The following CSMD3 variants were observed in gnomAD, a reference collection of about 807,000 sequenced individuals.
CSMD3 encodes the protein CUB and Sushi multiple domains 3.
In CSMD3, 177 loss-of-function variants were observed where a neutral mutation model predicts 435.2. That is an observed-to-expected ratio of 0.41 (90% CI 0.36 to 0.46). The LOEUF is 0.46. CSMD3 is among the 20% of genes least tolerant of loss of function. The pLI is 0.34. For missense variants in CSMD3, 4,265 were observed against 4,504.6 expected (o/e 0.95, Z 1.52); for synonymous variants, 1,656 against 1,520.5 (o/e 1.09, Z -2.07).
chr8:112,445,401 C>G (rs577702137), intron 32 of CSMD3, among the ~76,000 whole-genome samples: 1 of 152,034 alleles, frequency 6.6e-6, no homozygotes, highest in African/African-American at 2.4e-5. Context: ...GGATACATGG[C>G]GCTGGCATCT....
chr8:112,619,197 T>C (rs1367986217), intron 22 of CSMD3, among the ~76,000 whole-genome samples: 1 of 152,102 alleles, frequency 6.6e-6, no homozygotes. Flanking sequence ...CTCCATTTTC[T>C]ACTGGGATGG....
chr8:112,558,386 G>T (rs990754599), intron 24 of CSMD3, among the ~76,000 whole-genome samples: 4 of 151,922 alleles, frequency 2.6e-5, no homozygotes, highest in African/African-American at 9.7e-5. Flanking sequence ...AAACAGGCTT[G>T]CTGGGTTTCC....
intron 41 of CSMD3, among the ~76,000 whole-genome samples, chr8:112,344,135 G>A (rs1021360908): frequency 2.6e-5 from 4 of 152,104 alleles, no homozygotes; most frequent in Non-Finnish European, 5.9e-5. Context: ...GCCCGCATCA[G>A]CCTCCCAAAG....
At chr8:112,510,902 T>C (rs1376740395) in intron 28 of CSMD3, among the ~76,000 whole-genome samples, 2 of 152,216 alleles carry the variant, frequency 1.3e-5, no homozygotes, top group Admixed American at 1.3e-4. Context: ...ATTATGTAAA[T>C]AGTGAAGATG....
intron 44 of CSMD3, among the ~76,000 whole-genome samples, chr8:112,335,811 AAC>A (rs1824505881): frequency 6.6e-6 from 1 of 151,680 alleles, no homozygotes; most frequent in Admixed American, 6.6e-5. Context: ...TTTCTTCAGC[AAC>A]AGTCTTGAGA....
At chr8:112,431,708 AC>A (rs1361072402) in intron 32 of CSMD3, among the ~76,000 whole-genome samples, 1 of 152,080 alleles carries the variant, frequency 6.6e-6, no homozygotes, top group East Asian at 1.9e-4. Context: ...CATGCTTGTC[AC>A]CCTGAATGTG....
chr8:112,607,030 G>T (rs1258353119), intron 22 of CSMD3, among the ~76,000 whole-genome samples: 2 of 92,668 alleles, frequency 2.2e-5, no homozygotes, highest in Non-Finnish European at 4.6e-5. Flanking sequence ...AAAGGACAAA[G>T]ATCAGAGCAG....
At chr8:112,561,973 A>G (rs1828667665) in intron 24 of CSMD3, among the ~76,000 whole-genome samples, 1 of 151,308 alleles carries the variant, frequency 6.6e-6, no homozygotes, top group East Asian at 1.9e-4. Context: ...AAACTAATTG[A>G]TTTTGCAGCA....
chr8:113,139,127 C>T (rs2131721714), intron 4 of CSMD3, among the ~76,000 whole-genome samples: 1 of 150,836 alleles, frequency 6.6e-6, no homozygotes, highest in African/African-American at 2.4e-5. Context: ...AGAGAAATAA[C>T]TAGACTGAAA....
intron 63 of CSMD3, among the ~76,000 whole-genome samples, chr8:112,251,370 T>C (rs984811471): frequency 6.6e-6 from 1 of 151,718 alleles, no homozygotes; most frequent in Non-Finnish European, 1.5e-5. Context: ...AAAATGAAGG[T>C]ATAACAGATG....
At chr8:112,815,911 C>T (rs1035178283) in intron 12 of CSMD3, among the ~76,000 whole-genome samples, 2 of 152,004 alleles carry the variant, frequency 1.3e-5, no homozygotes, top group African/African-American at 4.8e-5. Context: ...AGTAATTCTG[C>T]GTTCCAAGAG....
chr8:112,951,344 T>A (rs1341212832), intron 8 of CSMD3, among the ~76,000 whole-genome samples: 1 of 151,830 alleles, frequency 6.6e-6, no homozygotes, highest in East Asian at 1.9e-4. Context: ...ATTACATGAA[T>A]AGTGTAAGTA....
chr8:112,772,719 T>C (rs1425919457), intron 13 of CSMD3, among the ~76,000 whole-genome samples: 3 of 152,112 alleles, frequency 2.0e-5, no homozygotes, highest in African/African-American at 7.2e-5. Context: ...AAAGCCCGAT[T>C]GTATATTCCA....
At chr8:112,241,680 A>G in intron 66 of CSMD3, 40 bp downstream of exon 66, 3 of 1,406,122 alleles carry the variant, frequency 2.1e-6, no homozygotes, top group Non-Finnish European at 3.0e-6. Context: ...GACCATTTTT[A>G]GAAATAATGA....
intron 13 of CSMD3, among the ~76,000 whole-genome samples, chr8:112,740,965 T>C (rs1563914617): frequency 6.6e-6 from 1 of 151,972 alleles, no homozygotes; most frequent in African/African-American, 2.4e-5. Flanking sequence ...AGAAATGTTT[T>C]TCTCCTTATT....
At chr8:113,382,336 T>G (rs2094419661) in intron 1 of CSMD3, among the ~76,000 whole-genome samples, 2 of 152,150 alleles carry the variant, frequency 1.3e-5, no homozygotes, top group African/African-American at 4.8e-5. Context: ...CAGTTTTGCT[T>G]TACCAACATT....
At chr8:112,777,686 GAT>G (rs924754378) in intron 13 of CSMD3, among the ~76,000 whole-genome samples, 5 of 151,772 alleles carry the variant, frequency 3.3e-5, no homozygotes, top group Non-Finnish European at 7.4e-5. Context: ...CGCTACTAGG[GAT>G]ATATCAAGCA....
intron 6 of CSMD3, among the ~76,000 whole-genome samples, chr8:112,987,369 T>C (rs1435581883): frequency 6.6e-6 from 1 of 152,142 alleles, no homozygotes; most frequent in Non-Finnish European, 1.5e-5. Flanking sequence ...TAAGACACTA[T>C]AAACGTATTT....
intron 6 of CSMD3, among the ~76,000 whole-genome samples, chr8:113,013,262 G>A (rs1253234444): frequency 6.6e-6 from 1 of 152,028 alleles, no homozygotes; most frequent in Non-Finnish European, 1.5e-5. Context: ...TTGTGATAGT[G>A]AGAAATATAA....
Sources: allele counts gnomAD v4.1 joint callset (sites outside exome capture counted in the v4.1 genomes callset), GRCh38; gene constraint gnomAD v4.1.1; transcripts MANE v1.5; gene names NCBI Gene and HGNC (gene_info 2026-07-23, HGNC 2026-07-21).